The following KNL1 variants were observed in gnomAD, a reference collection of about 807,000 sequenced individuals.
KNL1 encodes outer kinetochore KNL1 complex subunit KNL1.
Under a neutral mutation model 201.3 loss-of-function variants are expected in KNL1, and 66 were observed. The ratio of observed to expected loss-of-function variants is 0.33; its 90% CI spans 0.27 to 0.40. KNL1 has a LOEUF of 0.40. Among genes scored for constraint, KNL1 ranks in the 10% least tolerant of loss-of-function variants. KNL1 has a pLI of 1.00. For missense variants in KNL1, 2,815 were observed against 2,690.5 expected, an observed-to-expected ratio of 1.05 and a Z score of -1.02; for synonymous variants, 895 against 899.2, an observed-to-expected ratio of 1.00 and a Z score of 0.08.
At chr15:40,596,686 C>T (rs76517329) in intron 1 of KNL1, among the ~76,000 whole-genome samples, 2 of 151,944 alleles carry the variant, frequency 1.3e-5, no homozygotes, top group African/African-American at 2.4e-5. Flanking sequence ...CCCTCATTTC[C>T]TGTAGTACTT....
At chr15:40,634,666 G>A (rs1344684569) in intron 13 of KNL1, among the ~76,000 whole-genome samples, 1 of 152,102 alleles carries the variant, frequency 6.6e-6, no homozygotes, top group Non-Finnish European at 1.5e-5. Flanking sequence ...GCTTAGGTGT[G>A]CATCCAGGGG....
chr15:40,603,927 T>C (rs1474898566), intron 2 of KNL1, among the ~76,000 whole-genome samples: 1 of 152,200 alleles, frequency 6.6e-6, no homozygotes, highest in Non-Finnish European at 1.5e-5. Context: ...GTCATTGCCA[T>C]GGAAAGGGCA....
At chr15:40,610,129 G>A (rs1892105476) in intron 5 of KNL1, 116 bp from the exon 6 acceptor site, 1 of 609,626 alleles carries the variant, frequency 1.6e-6, no homozygotes, top group Non-Finnish European at 2.9e-6. Flanking sequence ...GCATAGCAAA[G>A]AGGAAGCTAA....
Position 40,652,121 on chromosome 15 carries a change from G to C in KNL1, c.6415+16G>C. ...GAGTCAGTTGGTAAGGAGCCAAAGT[G>C]AGATAATTCTTTTACAGAAAAATGA... On this transcript the variant is annotated intron_variant, in intron 21 of 25. Coordinates refer to ENST00000399668, the MANE Select transcript of KNL1 (RefSeq NM_144508.5). 6.5e-7 allele frequency: 1 copy of C among 1,545,492 alleles called. No homozygotes were observed. The highest frequency in any genetic ancestry group is 2.2e-5 in the East Asian group (1 of 44,482).
chr15:40,644,935 C>T, intron 14 of KNL1, 62 bp from the exon 15 acceptor site: 3 of 1,025,564 alleles, frequency 2.9e-6, no homozygotes, highest in Non-Finnish European at 3.0e-6. Context: ...TCTACATAGA[C>T]ACAGTAACAG....
chr15:40,630,393 T>C (rs568133546), intron 13 of KNL1, among the ~76,000 whole-genome samples: 3 of 152,268 alleles, frequency 2.0e-5, no homozygotes, highest in South Asian at 4.1e-4. Flanking sequence ...TTAGAACTTA[T>C]AAAAGAACCA....
chr15:40,600,943 A>G (rs1417058231), intron 1 of KNL1, among the ~76,000 whole-genome samples: 1 of 152,238 alleles, frequency 6.6e-6, no homozygotes, highest in Non-Finnish European at 1.5e-5. Flanking sequence ...TTCATGTGTT[A>G]AATTTTTTTG....
chr15:40,655,827 A>T (rs1394251941), intron 22 of KNL1, among the ~76,000 whole-genome samples: 1 of 151,272 alleles, frequency 6.6e-6, no homozygotes, highest in Non-Finnish European at 1.5e-5. Flanking sequence ...GAGGCAGGAG[A>T]ATGGCGTGAA....
In KNL1 at chr15:40,623,374, C is replaced by T; in HGVS notation, c.3110C>T (p.Ser1037Phe). ...PVEVADNMEL[S>F]KSATCKNIKD... is the part of the protein sequence containing the mutation. ...GAGGTAGCTGATAACATGGAATTGT[C>T]TAAATCAGCCACTTGCAAAAACATC... The change falls in exon 10 of 26, where the codon TCT (serine) becomes TTT (phenylalanine). Residue 1037 changes from serine to phenylalanine, a missense_variant. Transcript: ENST00000399668. The T allele has an allele frequency of 6.2e-7, 1 of 1,613,882 alleles. No individual in the cohort carries two copies. Among genetic ancestry groups the T allele is most frequent in the Non-Finnish European group, 8.5e-7 (1 of 1,179,870 alleles).
At chr15:40,602,995 T>A (rs761330739) in intron 2 of KNL1, 29 bp downstream of exon 2, 3 of 1,415,246 alleles carry the variant, frequency 2.1e-6, no homozygotes, top group Non-Finnish European at 3.0e-6. Context: ...GCTAAAAATA[T>A]TATATTCTAT....
chr15:40,625,296 A>G lies in KNL1; in HGVS notation c.5032A>G (p.Thr1678Ala), dbSNP rs375179586. The change falls in exon 10 of 26, where the codon ACA becomes GCA. Residue 1678 changes from threonine to alanine, a missense_variant. By Grantham distance (58) the Thr-to-Ala change is moderately conservative. Coordinates refer to ENST00000399668, the MANE Select transcript of KNL1 (RefSeq NM_144508.5). ...IDDLEQIPADTTDINHLETQP... is the reference protein window; with the variant it reads ...IDDLEQIPADATDINHLETQP... ...TGACCTGGAACAGATTCCAGCAGACACAACTGATATAAATCACTTAGAAAC... is the reference window on the plus strand; with the variant it reads ...TGACCTGGAACAGATTCCAGCAGACGCAACTGATATAAATCACTTAGAAAC... The G allele has an allele frequency of 3.7e-6, 6 of 1,614,146 alleles. No homozygotes were observed. In the East Asian group the frequency reaches 1.3e-4, roughly 36 times the overall value.
chr15:40,620,973 GA>G lies in KNL1; in HGVS notation c.713del (p.Asn238IlefsTer44). 6.2e-7 allele frequency: 1 copy of G among 1,604,982 alleles called. No homozygotes were observed. The highest frequency in any genetic ancestry group is 8.5e-7 in the Non-Finnish European group (1 of 1,177,470). ...TGCTTTTCCTGATGTGCCTGATAAAGAAAATTTTGAGATACCTATTTATTCC... is the reference window on the plus strand; with the variant it reads ...TGCTTTTCCTGATGTGCCTGATAAAGAAATTTTGAGATACCTATTTATTCC... ...CSAFPDVPDK[E>X]NFEIPIYSKE... On this transcript the variant is annotated frameshift_variant, in exon 10 of 26. Coordinates refer to ENST00000399668, the MANE Select transcript of KNL1 (RefSeq NM_144508.5). LOFTEE classifies it high-confidence loss of function.
In KNL1 at chr15:40,643,816, A is replaced by G. The variant is rs569209347; in HGVS notation, c.5799-1181A>G. 3.9e-5 allele frequency among the ~76,000 whole-genome samples: 6 copies of G among 152,330 alleles called. No homozygotes were observed. In the East Asian group the frequency reaches 5.8e-4, roughly 15 times the overall value. On this transcript the variant is annotated intron_variant, in intron 14 of 25. Transcript: ENST00000399668. Reference sequence around the variant, plus strand: ...TGATGTATGACATTCTTGAACTACTATTCTTCAAGTGAATAATCAGGCTTT... The same window carrying G: ...TGATGTATGACATTCTTGAACTACTGTTCTTCAAGTGAATAATCAGGCTTT...
At chr15:40,620,202 C>T (rs1402704980) in intron 9 of KNL1, among the ~76,000 whole-genome samples, 1 of 146,806 alleles carries the variant, frequency 6.8e-6, no homozygotes, top group African/African-American at 2.6e-5. Flanking sequence ...AGCCACTGTG[C>T]CTAGCCTAGA....
At chr15:40,630,773 T>G (rs966248541) in intron 13 of KNL1, among the ~76,000 whole-genome samples, 1 of 152,176 alleles carries the variant, frequency 6.6e-6, no homozygotes, top group African/African-American at 2.4e-5. Context: ...AGATTCTATA[T>G]TATGATGAGT....
In KNL1 at chr15:40,623,696, T is replaced by C. The variant is rs11070285; in HGVS notation, c.3432T>C (p.Asn1144=). The stretch of plus-strand genomic sequence containing the variant: ...TAGAATGTAAAACTCTCCTGCCAAA[T>C]GAAATAGCTATTAGGCCCATGGACA... The part of the protein sequence containing the change: ...TALECKTLLP[N]EIAIRPMDKT... The change falls in exon 10 of 26, where the codon AAT becomes AAC. Residue 1144 remains asparagine (N), a synonymous_variant. Transcript: ENST00000399668. The C allele has an allele frequency of 0.4, 639,938 of 1,613,442 alleles. 129,233 individuals carry two copies. The highest frequency in any genetic ancestry group is 0.49 in the South Asian group (44,781 of 91,056).
At position 40,652,008 on chromosome 15, in the gene KNL1, G is replaced by T. The variant is rs763703149; in HGVS notation, c.6318G>T (p.Leu2106Phe). ...AATCTTGTTTATCTCTCTACAGCTT[G>T]TCTGAGTGGGATGTCGTTGAGTGGA... ...RTEELLDQLS[L>F]SEWDVVEWSD... Residue 2106 changes from leucine to phenylalanine, a missense_variant, in exon 21 of 26, where the codon TTG becomes TTT. Leu to Phe is a conservative substitution (Grantham distance 22). Transcript: ENST00000399668. The T allele has an allele frequency of 1.2e-6, 2 of 1,611,708 alleles. No individual in the cohort carries two copies. The highest frequency in any genetic ancestry group is 2.7e-5 in the African/African-American group (2 of 74,870).
In KNL1 at chr15:40,662,298, C is replaced by T. The variant is rs1893933424; in HGVS notation, c.*110C>T. 4.4e-6 allele frequency: 3 copies of T among 680,042 alleles called. No homozygotes were observed. The South Asian group carries it at 5.3e-5, about 12-fold the overall frequency. 42.1% of individuals were successfully genotyped at this position (680,042 alleles called of 1,614,324 possible). ...CGTCATTACAAGCTGAGTAAAATTC[C>T]TTCTGATGATGTTATAGTTAATCTG... is the stretch of plus-strand genomic sequence containing the variant. On this transcript the variant is annotated 3_prime_UTR_variant, in exon 26 of 26. Transcript: ENST00000399668.
rs373306816 is a variant in KNL1 at position 40,621,755 on chromosome 15, A to G, written c.1491A>G (p.Gln497=). Residue 497 remains glutamine (Q), a synonymous_variant, in exon 10 of 26, where the codon CAA becomes CAG. Transcript: ENST00000399668. The part of the protein sequence containing the change: ...TKSHTVAIDN[Q]IFKQDQSNVQ... Reference sequence around the variant, plus strand: ...GTCATACAGTTGCAATAGATAATCAAATTTTTAAACAAGATCAATCAAATG... The same window carrying G: ...GTCATACAGTTGCAATAGATAATCAGATTTTTAAACAAGATCAATCAAATG... 105 of 1,613,794 alleles carry G rather than the reference A, an allele frequency of 6.5e-5. No homozygotes were observed. The highest frequency in any genetic ancestry group is 2.1e-4 in the South Asian group (19 of 91,074).
Sources: gnomAD v4.1 joint callset for allele counts (sites outside exome capture counted in the v4.1 genomes callset) on GRCh38, gnomAD v4.1.1 for gene constraint, MANE v1.5 for transcripts, NCBI Gene and HGNC (gene_info 2026-07-23, HGNC 2026-07-21) for gene names.